The following MYO10 variants were observed in gnomAD, a reference collection of about 807,000 sequenced individuals.
The protein encoded by MYO10 is unconventional myosin-X.
In MYO10, 133 loss-of-function variants were observed where a neutral mutation model predicts 257.3. That is an observed-to-expected ratio of 0.52 (90% CI 0.45 to 0.60). The LOEUF is 0.60. MYO10 is among the 20% of genes least tolerant of loss of function. MYO10 has a pLI of 0.00. For synonymous variants in MYO10, 1,104 were observed against 1,028.6 expected (o/e 1.07, Z -1.40); for missense variants, 2,399 against 2,635.7 (o/e 0.91, Z 1.97).
At chr5:16,917,404 G>A (rs1745852174) in intron 1 of MYO10, among the ~76,000 whole-genome samples, 1 of 152,132 alleles carries the variant, frequency 6.6e-6, no homozygotes, top group Non-Finnish European at 1.5e-5. Context: ...GCTGCCCTCT[G>A]CAATTGAGGA....
chr5:16,818,002 A>G lies in MYO10; in HGVS notation c.279+7T>C. On this transcript the variant is annotated splice_region_variant and intron_variant, in intron 3 of 40. Coordinates refer to ENST00000513610, the MANE Select transcript of MYO10 (RefSeq NM_012334.3). ...ATCTTTTTAAAGGAATTACAAGTGG[A>G]ACTTACATATATTTGATTTCTCTTA... 1 of 1,527,628 alleles carries G rather than the reference A, an allele frequency of 6.5e-7. No homozygotes were observed. The highest frequency in any genetic ancestry group is 8.9e-7 in the Non-Finnish European group (1 of 1,125,654). The allele number at this position is 1,527,628 out of a possible 1,614,324, so 94.6% of individuals were successfully genotyped here.
intron 4 of MYO10, among the ~76,000 whole-genome samples, chr5:16,785,726 C>T (rs1371419374): frequency 5.9e-5 from 9 of 152,012 alleles, no homozygotes; most frequent in Admixed American, 5.2e-4. Context: ...AAAAATTAGC[C>T]GGGCGTGGTG....
In MYO10 at chr5:16,818,408, GTGTATA is replaced by G. The variant is rs1413885762; in HGVS notation, c.121-247_121-242del. Among the ~76,000 whole-genome samples, 374 of 93,500 alleles carry G rather than the reference GTGTATA, an allele frequency of 4.0e-3. 3 individuals carry two copies. Among genetic ancestry groups the G allele is most frequent in the South Asian group, 0.01 (31 of 3,068 alleles). The allele number at this position is 93,500 out of a possible 152,430, so 61.3% of individuals were successfully genotyped here. A position where few individuals can be genotyped will look rare whatever the true frequency, so the allele number is the denominator to read the frequency against. On this transcript the variant is annotated intron_variant, in intron 2 of 40. Coordinates refer to ENST00000513610, the MANE Select transcript of MYO10 (RefSeq NM_012334.3). ...TGTGTGTGTGTGTGTGTGTGTGTGT[GTGTATA>G]TATATATATATACACATATCTTTGT...
At chr5:16,788,794 G>A (rs959498197) in intron 4 of MYO10, among the ~76,000 whole-genome samples, 4 of 152,088 alleles carry the variant, frequency 2.6e-5, no homozygotes, top group Non-Finnish European at 4.4e-5. Context: ...GGGGCGTGGG[G>A]GCAGCTTGCT....
intron 1 of MYO10, among the ~76,000 whole-genome samples, chr5:16,919,392 CAAAT>C (rs1745917951): frequency 1.3e-5 from 2 of 151,998 alleles, no homozygotes; most frequent in African/African-American, 4.8e-5. Context: ...ACAAAACAAA[CAAAT>C]AAACAAAAAT....
At chr5:16,694,736 C>T (rs1737660387) in intron 26 of MYO10, 122 bp from the exon 27 acceptor site, 6 of 1,275,006 alleles carry the variant, frequency 4.7e-6, no homozygotes, top group South Asian at 4.0e-5. Flanking sequence ...GCCGCAGCAC[C>T]GCAGAGACCC....
At chr5:16,750,914 G>T (rs912774058) in intron 19 of MYO10, among the ~76,000 whole-genome samples, 1 of 152,178 alleles carries the variant, frequency 6.6e-6, no homozygotes, top group Non-Finnish European at 1.5e-5. Flanking sequence ...AGAATCGCTT[G>T]AACTCGGGAG....
intron 1 of MYO10, among the ~76,000 whole-genome samples, chr5:16,914,841 G>T (rs892155861): frequency 6.6e-6 from 1 of 152,232 alleles, no homozygotes; most frequent in African/African-American, 2.4e-5. Context: ...AAGCTCTGGG[G>T]GAGCCAAGAA....
chr5:16,671,598 C>A (rs1430184194), intron 37 of MYO10, 56 bp from the exon 38 acceptor site: 2 of 1,603,102 alleles, frequency 1.2e-6, no homozygotes, highest in Non-Finnish European at 1.7e-6. Flanking sequence ...CCTTCAGTGA[C>A]CCGCAGGGAC....
intron 39 of MYO10, among the ~76,000 whole-genome samples, chr5:16,669,972 AAGG>A (rs1736366472): frequency 6.6e-6 from 1 of 152,224 alleles, no homozygotes; most frequent in South Asian, 2.1e-4. Flanking sequence ...GTTTAGAAAA[AAGG>A]AGGCAGGCAA....
rs866393461 is a variant in MYO10, at chr5:16,685,655, T to C, written c.3990+83A>G. On this transcript the variant is annotated intron_variant, in intron 29 of 40. Coordinates refer to ENST00000513610, the MANE Select transcript of MYO10 (RefSeq NM_012334.3). ...AAAAAGACTGTCTGGAAATTCCCAATCTTTCCCTTTTTTACCATCCTGACG... is the reference window on the plus strand; with the variant it reads ...AAAAAGACTGTCTGGAAATTCCCAACCTTTCCCTTTTTTACCATCCTGACG... 4.6e-5 allele frequency: 49 copies of C among 1,061,014 alleles called. No homozygotes were observed. In the Middle Eastern group the frequency reaches 3.2e-3, roughly 70 times the overall value. The allele number at this position is 1,061,014 out of a possible 1,614,324, so 65.7% of individuals were successfully genotyped here.
At chr5:16,900,183 G>C (rs1170503799) in intron 1 of MYO10, among the ~76,000 whole-genome samples, 1 of 152,080 alleles carries the variant, frequency 6.6e-6, no homozygotes, top group East Asian at 1.9e-4. Context: ...GCACAGGTCG[G>C]TTCCTTATTT....
At chr5:16,715,392 A>AT (rs372307063) in intron 19 of MYO10, among the ~76,000 whole-genome samples, 1,742 of 84,242 alleles carry the variant, frequency 0.021, 84 homozygotes, top group Non-Finnish European at 0.027. Flanking sequence ...TAAGATTGAA[A>AT]TTTTTTTTTT....
chr5:16,694,644 G>A, intron 26 of MYO10, 30 bp from the exon 27 acceptor site: 2 of 1,609,986 alleles, frequency 1.2e-6, no homozygotes, highest in Non-Finnish European at 1.7e-6. Context: ...GTAGAGAGGG[G>A]TGAAAGAAAA....
chr5:16,671,652 G>A lies in MYO10; in HGVS notation c.5310-110C>T, dbSNP rs537688023. ...TTCTAAGGACACAGACATTCTGTCC[G>A]GGCCCAGAAAACAGTGGATAGAGAT... is the stretch of plus-strand genomic sequence containing the variant. On this transcript the variant is annotated intron_variant, in intron 37 of 40. Transcript: ENST00000513610. 1.9e-5 allele frequency: 26 copies of A among 1,357,076 alleles called. No individual in the cohort carries two copies. The South Asian group carries it at 2.3e-4, about 12-fold the overall frequency. The allele number at this position is 1,357,076 out of a possible 1,614,324, so 84.1% of individuals were successfully genotyped here. A position where few individuals can be genotyped will look rare whatever the true frequency, so the allele number is the denominator to read the frequency against.
At chr5:16,932,755 A>T (rs1200908167) in intron 1 of MYO10, among the ~76,000 whole-genome samples, 1 of 150,472 alleles carries the variant, frequency 6.6e-6, no homozygotes, top group South Asian at 2.1e-4. Flanking sequence ...GTAAGACACT[A>T]TCTATCTAAT....
At chr5:16,892,674 G>A (rs1389539279) in intron 1 of MYO10, among the ~76,000 whole-genome samples, 1 of 152,004 alleles carries the variant, frequency 6.6e-6, no homozygotes, top group Non-Finnish European at 1.5e-5. Context: ...AGATGCCATA[G>A]GTCTTCAACC....
chr5:16,801,552 G>A (rs1051948382), intron 3 of MYO10, among the ~76,000 whole-genome samples: 1 of 151,986 alleles, frequency 6.6e-6, no homozygotes, highest in African/African-American at 2.4e-5. Flanking sequence ...ATTCCAACAT[G>A]ACTCTGTAAG....
At chr5:16,683,656 G>C (rs572109763) in intron 30 of MYO10, among the ~76,000 whole-genome samples, 4 of 152,072 alleles carry the variant, frequency 2.6e-5, no homozygotes, top group African/African-American at 7.2e-5. Context: ...AGGTTCCCAC[G>C]GTTTTCCCCA....
Sources: gnomAD v4.1 joint callset for allele counts (sites outside exome capture counted in the v4.1 genomes callset) on GRCh38, gnomAD v4.1.1 for gene constraint, MANE v1.5 for transcripts, NCBI Gene and HGNC (gene_info 2026-07-23, HGNC 2026-07-21) for gene names.